The following TMC1 variants were observed in gnomAD, a reference collection of about 807,000 sequenced individuals.
TMC1 encodes transmembrane channel like 1.
A neutral mutation model predicts 105.8 loss-of-function variants in TMC1; 84 were observed. That is an observed-to-expected ratio of 0.79 (90% CI 0.67 to 0.95). The LOEUF (loss-of-function observed/expected upper bound fraction) is 0.95, where lower values mean the gene tolerates loss of function less well. TMC1 is among the 40% of genes least tolerant of loss of function. TMC1 has a pLI of 0.00. For missense variants in TMC1, 817 were observed against 914.1 expected (o/e 0.89, Z 1.37); for synonymous variants, 315 against 311.5 (o/e 1.01, Z -0.12).
chr9:72,527,971 T>G (rs1192699791), intron 1 of TMC1, among the ~76,000 whole-genome samples: 2 of 152,082 alleles, frequency 1.3e-5, no homozygotes, highest in African/African-American at 4.8e-5. Context: ...ACTTCCCCCC[T>G]CCCCGACTCC....
chr9:72,794,476 C>T (rs1828329995), intron 17 of TMC1, among the ~76,000 whole-genome samples: 1 of 152,140 alleles, frequency 6.6e-6, no homozygotes, highest in African/African-American at 2.4e-5. Context: ...GAAGTGCCAC[C>T]TACTGGATCA....
intron 8 of TMC1, among the ~76,000 whole-genome samples, chr9:72,722,234 G>T (rs1333239736): frequency 6.6e-6 from 1 of 152,124 alleles, no homozygotes; most frequent in Non-Finnish European, 1.5e-5. Context: ...CTGTGAGGGT[G>T]GATTAAAATC....
chr9:72,533,158 A>G (rs1823526820), intron 1 of TMC1, among the ~76,000 whole-genome samples: 2 of 152,190 alleles, frequency 1.3e-5, no homozygotes, highest in Admixed American at 6.5e-5. Context: ...GATCAGCTGA[A>G]GTGCCCTCTC....
chr9:72,604,237 A>G (rs1055245562), intron 2 of TMC1, among the ~76,000 whole-genome samples: 2 of 152,212 alleles, frequency 1.3e-5, no homozygotes, highest in Non-Finnish European at 2.9e-5. Context: ...ACAATGGAAG[A>G]CATTTCAAAT....
chr9:72,812,197 G>A (rs1828718141), intron 18 of TMC1, among the ~76,000 whole-genome samples: 1 of 152,188 alleles, frequency 6.6e-6, no homozygotes, highest in Non-Finnish European at 1.5e-5. Context: ...CATAGGCTTA[G>A]GCAGGCTACC....
chr9:72,683,612 A>G (rs1826324718), intron 5 of TMC1, among the ~76,000 whole-genome samples: 1 of 149,360 alleles, frequency 6.7e-6, no homozygotes, highest in South Asian at 2.1e-4. Context: ...GAGATTTCAC[A>G]TTTTTGTTAA....
chr9:72,546,007 G>T (rs546539459), intron 1 of TMC1, among the ~76,000 whole-genome samples: 2 of 151,968 alleles, frequency 1.3e-5, no homozygotes, highest in South Asian at 4.2e-4. Flanking sequence ...TACAGACTGG[G>T]TGCAGTGGCT....
chr9:72,751,968 C>G lies in TMC1; in HGVS notation c.642+12C>G. On this transcript the variant is annotated intron_variant, in intron 11 of 23. Coordinates refer to ENST00000297784, the MANE Select transcript of TMC1 (RefSeq NM_138691.3). ...TCATGTTGCCAGAGGTGAGATCTGA[C>G]TTCCAGTTTACAAAACATGCTGAAA... is the stretch of plus-strand genomic sequence containing the variant. 6.6e-7 allele frequency: 1 copy of G among 1,523,004 alleles called. No individual in the cohort carries two copies. The highest frequency in any genetic ancestry group is 9.1e-7 in the Non-Finnish European group (1 of 1,097,314). 94.3% of individuals were successfully genotyped at this position (1,523,004 alleles called of 1,614,324 possible). A position where few individuals can be genotyped will look rare whatever the true frequency, so the allele number is the denominator to read the frequency against.
intron 2 of TMC1, among the ~76,000 whole-genome samples, chr9:72,582,023 T>TCGGCTCACCGCAAC (rs1824483853): frequency 2.0e-5 from 3 of 152,210 alleles, no homozygotes; most frequent in African/African-American, 7.2e-5. Flanking sequence ...AATGGCGCGA[T>TCGGCTCACCGCAAC]CTCGGCTCAC....
intron 17 of TMC1, among the ~76,000 whole-genome samples, chr9:72,799,149 A>G (rs1213257755): frequency 1.3e-5 from 2 of 152,040 alleles, no homozygotes; most frequent in Non-Finnish European, 2.9e-5. Context: ...AGCTTTTATG[A>G]TTTCATTTAG....
chr9:72,608,659 A>G (rs1328981089), intron 2 of TMC1, among the ~76,000 whole-genome samples: 5 of 151,670 alleles, frequency 3.3e-5, no homozygotes, highest in African/African-American at 1.2e-4. Flanking sequence ...GTGAGCCAAG[A>G]TGGCACTACT....
chr9:72,727,582 G>A (rs1827143805), intron 8 of TMC1, among the ~76,000 whole-genome samples: 1 of 151,944 alleles, frequency 6.6e-6, no homozygotes, highest in South Asian at 2.1e-4. Context: ...CACAGTAAAG[G>A]GGCAAGGGGA....
intron 15 of TMC1, among the ~76,000 whole-genome samples, 179 bp downstream of exon 15, chr9:72,789,496 G>C (rs909826174): frequency 6.6e-6 from 1 of 152,034 alleles, no homozygotes; most frequent in Non-Finnish European, 1.5e-5. Flanking sequence ...TCTAAATCTG[G>C]ACTGTCTGTT....
chr9:72,649,610 G>T (rs1825768530), intron 5 of TMC1, among the ~76,000 whole-genome samples: 1 of 152,046 alleles, frequency 6.6e-6, no homozygotes, highest in South Asian at 2.1e-4. Flanking sequence ...TATTGAGAAG[G>T]TCATTGCTTT....
chr9:72,799,260 A>G (rs1388290550), intron 17 of TMC1, among the ~76,000 whole-genome samples: 1 of 152,154 alleles, frequency 6.6e-6, no homozygotes, highest in African/African-American at 2.4e-5. Context: ...ATGTTAGACA[A>G]CAGTTGAGTT....
chr9:72,826,512 C>T (rs931074180), intron 20 of TMC1, among the ~76,000 whole-genome samples: 4 of 152,178 alleles, frequency 2.6e-5, no homozygotes, highest in Non-Finnish European at 5.9e-5. Context: ...ATACTTAGCT[C>T]AAAGAGAGTG....
At chr9:72,832,737 T>G (rs1335297878) in intron 23 of TMC1, among the ~76,000 whole-genome samples, 3 of 152,120 alleles carry the variant, frequency 2.0e-5, no homozygotes, top group African/African-American at 7.2e-5. Flanking sequence ...GAATGCTGGG[T>G]GCTGAATTAG....
intron 8 of TMC1, among the ~76,000 whole-genome samples, chr9:72,732,924 G>A (rs1295330245): frequency 2.0e-5 from 3 of 152,148 alleles, no homozygotes; most frequent in African/African-American, 7.2e-5. Context: ...GTGTGCTTTA[G>A]CTCTTGCTGC....
At chr9:72,603,397 A>G (rs1824852613) in intron 2 of TMC1, among the ~76,000 whole-genome samples, 1 of 147,892 alleles carries the variant, frequency 6.8e-6, no homozygotes, top group Non-Finnish European at 1.5e-5. Context: ...ACACACACAC[A>G]CACACACACA....
Sources: allele counts gnomAD v4.1 joint callset (sites outside exome capture counted in the v4.1 genomes callset), GRCh38; gene constraint gnomAD v4.1.1; transcripts MANE v1.5; gene names NCBI Gene and HGNC (gene_info 2026-07-23, HGNC 2026-07-21).